MON1A: variants seen among roughly 807,000 people sequenced by gnomAD.
MON1A encodes MON1 vesicular trafficking associated A.
In MON1A, 29 loss-of-function variants were observed where a neutral mutation model predicts 44.6. The ratio of observed to expected loss-of-function variants is 0.65; its 90% CI spans 0.48 to 0.89. MON1A has a LOEUF of 0.89. Among genes scored for constraint, MON1A ranks in the 40% least tolerant of loss-of-function variants. The pLI, the probability that MON1A is intolerant of heterozygous loss-of-function variation, is 0.00. For missense variants in MON1A, 615 were observed against 759.6 expected (o/e 0.81, Z 2.24); for synonymous variants, 275 against 316.4 (o/e 0.87, Z 1.39).
At chr3:49,912,677 C>G in intron 2 of MON1A, 1 of 224,082 alleles carries the variant, frequency 4.5e-6, no homozygotes, top group South Asian at 6.2e-5. Context: ...ATAATGGCGC[C>G]GCAGCCTGTG....
rs1167854297 is a variant in MON1A at position 49,910,399 on chromosome 3, C to T, written c.1099G>A (p.Val367Met). 4 of 1,614,186 alleles carry T rather than the reference C, an allele frequency of 2.5e-6. No homozygotes were observed. The highest frequency in any genetic ancestry group is 3.4e-6 in the Non-Finnish European group (4 of 1,180,036). Reference sequence around the variant, plus strand: ...GCTGCGTTGAATTTGGGCAGGCACACGGGCGTCCAGGCCTCGCCCTCGCGA... The same window carrying T: ...GCTGCGTTGAATTTGGGCAGGCACATGGGCGTCCAGGCCTCGCCCTCGCGA... ...SFREGEAWTP[V>M]CLPKFNAAGF... Residue 367 changes from valine (V) to methionine (M), a missense_variant, in exon 4 of 6, where the codon GTG becomes ATG. Physicochemically the swap from Val to Met is conservative, Grantham distance 21. Coordinates refer to ENST00000296473, the MANE Select transcript of MON1A (RefSeq NM_032355.4). The surrounding 1 kb of genome is among the most constrained non-coding windows in gnomAD (Gnocchi z 8.0).
chr3:49,928,446 A>G (rs1471847145), intron 1 of MON1A, among the ~76,000 whole-genome samples: 1 of 152,122 alleles, frequency 6.6e-6, no homozygotes, highest in Non-Finnish European at 1.5e-5. Context: ...CCCTTCTCAG[A>G]CAACCCCTCT....
Position 49,911,190 on chromosome 3 carries a change from T to TTAGATAGATAGATAGATAGATAGA in MON1A, c.613+312_614-307dup, listed in dbSNP as rs10564221. 3.1e-5 allele frequency among the ~76,000 whole-genome samples: 3 copies of TTAGATAGATAGATAGATAGATAGA among 95,554 alleles called. No individual in the cohort carries two copies. The highest frequency in any genetic ancestry group is 9.7e-5 in the Admixed American group (1 of 10,316). 62.7% of individuals were successfully genotyped at this position (95,554 alleles called of 152,430 possible). A position where few individuals can be genotyped will look rare whatever the true frequency, so the allele number is the denominator to read the frequency against. On this transcript the variant is annotated intron_variant, in intron 3 of 5. Transcript: ENST00000296473. This position sits in a 1 kb window ranked among gnomAD's most constrained non-coding sequence, Gnocchi z 5.7. ...GCTCAGGACCTGGGAGATAGATAGATTAGATAGATAGATAGATAGATAGAT... is the reference window on the plus strand; with the variant it reads ...GCTCAGGACCTGGGAGATAGATAGATTAGATAGATAGATAGATAGATAGATAGATAGATAGATAGATAGATAGAT...
chr3:49,929,427 C>T, intron 1 of MON1A, 182 bp downstream of exon 1: 1 of 731,558 alleles, frequency 1.4e-6, no homozygotes, highest in Non-Finnish European at 2.3e-6. Context: ...TTCCAGATCT[C>T]GCCTTTTGTA....
chr3:49,918,036 G>A (rs191856281), intron 1 of MON1A, among the ~76,000 whole-genome samples: 3 of 149,600 alleles, frequency 2.0e-5, no homozygotes, highest in East Asian at 2.0e-4. Context: ...CCAAAATTGC[G>A]TCTCAAAAAA....
Position 49,909,210 on chromosome 3 carries a change from C to A in MON1A, c.1527+43G>T. On this transcript the variant is annotated intron_variant, in intron 5 of 5. Coordinates refer to ENST00000296473, the MANE Select transcript of MON1A (RefSeq NM_032355.4). This position sits in a 1 kb window ranked among gnomAD's most constrained non-coding sequence, Gnocchi z 4.0. ...GTTAGAGGCCCCTCATGGCCCATAC[C>A]TAGGACCTCCATAAAGCCCAGCCCA... 1 of 1,613,394 alleles carries A rather than the reference C, an allele frequency of 6.2e-7. No individual in the cohort carries two copies. The highest frequency in any genetic ancestry group is 8.5e-7 in the Non-Finnish European group (1 of 1,179,636).
Position 49,909,137 on chromosome 3 carries a change from C to G in MON1A, c.1545G>C (p.Glu515Asp). 6.2e-7 allele frequency: 1 copy of G among 1,610,546 alleles called. No individual in the cohort carries two copies. The highest frequency in any genetic ancestry group is 8.5e-7 in the Non-Finnish European group (1 of 1,177,426). ...NLLAWVTGAF[E>D]LYMCYSPLGT... ...CCAGGGGGCTGTAACACATGTAGAG[C>G]TCAAAGGCGCCTGTCACCTGGAGAA... Residue 515 changes from glutamate (E) to aspartate (D), a missense_variant, in exon 6 of 6, where the codon GAG (glutamate) becomes GAC (aspartate). Transcript: ENST00000296473. This position sits in a 1 kb window ranked among gnomAD's most constrained non-coding sequence, Gnocchi z 4.0.
At chr3:49,913,565 G>A (rs1156384544) in intron 1 of MON1A, among the ~76,000 whole-genome samples, 1 of 150,134 alleles carries the variant, frequency 6.7e-6, no homozygotes, top group Non-Finnish European at 1.5e-5. Flanking sequence ...GTAAAAAAAA[G>A]ACTTGGAAAG....
At chr3:49,913,105 A>G (rs2082905955) in intron 2 of MON1A, 115 bp downstream of exon 2, 2 of 1,409,814 alleles carry the variant, frequency 1.4e-6, no homozygotes, top group South Asian at 1.2e-5. Context: ...CAAATATCCA[A>G]TGAGTGACTG....
At chr3:49,929,346 T>C (rs989362412) in intron 1 of MON1A, 6 of 499,324 alleles carry the variant, frequency 1.2e-5, no homozygotes, top group Non-Finnish European at 1.7e-5. Context: ...GGGGCGGGGG[T>C]GGGGGAGTGG....
intron 1 of MON1A, among the ~76,000 whole-genome samples, chr3:49,922,785 C>T (rs955526794): frequency 1.3e-5 from 2 of 151,234 alleles, no homozygotes; most frequent in African/African-American, 2.4e-5. Flanking sequence ...CGCAACAGTG[C>T]GATCTCAGCT....
intron 2 of MON1A, chr3:49,912,340 C>G (rs902994406): frequency 1.7e-5 from 4 of 240,428 alleles, no homozygotes; most frequent in Non-Finnish European, 3.2e-5. Context: ...ATACTTTCAA[C>G]ACACCCCCAC....
intron 1 of MON1A, among the ~76,000 whole-genome samples, chr3:49,922,138 A>C (rs1575478897): frequency 2.7e-5 from 1 of 37,136 alleles, no homozygotes; most frequent in South Asian, 3.9e-4. Context: ...GCTCTGTCTC[A>C]AAAAAAAAAA....
chr3:49,910,434 G>A lies in MON1A; in HGVS notation c.1064C>T (p.Ser355Phe), dbSNP rs752755170. The A allele has an allele frequency of 6.2e-7, 1 of 1,614,246 alleles. No individual in the cohort carries two copies. The highest frequency in any genetic ancestry group is 1.1e-5 in the South Asian group (1 of 91,086). The change falls in exon 4 of 6, where the codon TCC becomes TTC. Residue 355 changes from serine (S) to phenylalanine (F), a missense_variant. Coordinates refer to ENST00000296473, the MANE Select transcript of MON1A (RefSeq NM_032355.4). The surrounding 1 kb of genome is among the most constrained non-coding windows in gnomAD (Gnocchi z 8.0). ...GGCCTCGCCCTCGCGAAAGGACGAGGAGGAACTAATGAGGTTGAAGAGCAG... is the reference window on the plus strand; with the variant it reads ...GGCCTCGCCCTCGCGAAAGGACGAGAAGGAACTAATGAGGTTGAAGAGCAG... ...LHLLFNLISS[S>F]SSFREGEAWT... is the part of the protein sequence containing the mutation.
chr3:49,917,287 C>A (rs371049083), intron 1 of MON1A, among the ~76,000 whole-genome samples: 7 of 151,494 alleles, frequency 4.6e-5, no homozygotes, highest in Non-Finnish European at 8.8e-5. Flanking sequence ...CTTTTCTTTT[C>A]TTTTCTTTTC....
intron 1 of MON1A, among the ~76,000 whole-genome samples, chr3:49,921,715 A>G (rs35275715): frequency 0.38 from 56,437 of 149,502 alleles, 11,109 homozygotes; most frequent in Non-Finnish European, 0.42. Context: ...TCACAGGTGT[A>G]ATCACCACCC....
At chr3:49,926,422 C>G (rs2083051747) in intron 1 of MON1A, among the ~76,000 whole-genome samples, 1 of 152,118 alleles carries the variant, frequency 6.6e-6, no homozygotes, top group Admixed American at 6.6e-5. Context: ...TGTGACCTAC[C>G]ACAAATTTCA....
At chr3:49,922,876 A>G (rs2083013729) in intron 1 of MON1A, among the ~76,000 whole-genome samples, 1 of 151,454 alleles carries the variant, frequency 6.6e-6, no homozygotes, top group Non-Finnish European at 1.5e-5. Flanking sequence ...CACACAGGCT[A>G]ATTTTTGTAT....
At chr3:49,919,583 G>C (rs535234379) in intron 1 of MON1A, among the ~76,000 whole-genome samples, 2 of 152,244 alleles carry the variant, frequency 1.3e-5, no homozygotes, top group African/African-American at 4.8e-5. Context: ...GGGTTCAAGC[G>C]ATGCTCCTCC....
Sources: allele counts gnomAD v4.1 joint callset (sites outside exome capture counted in the v4.1 genomes callset), GRCh38; gene constraint gnomAD v4.1.1; non-coding constraint Gnocchi (gnomAD v3.1); transcripts MANE v1.5; gene names NCBI Gene and HGNC (gene_info 2026-07-23, HGNC 2026-07-21).